Variants in GNAQ observed in about 807,000 individuals in gnomAD.
GNAQ encodes the protein G protein subunit alpha q.
In GNAQ, 8 loss-of-function variants were observed where a neutral mutation model predicts 43.9. The ratio of observed to expected loss-of-function variants is 0.18; its 90% CI spans 0.11 to 0.33. GNAQ has a LOEUF of 0.33. Among genes scored for constraint, GNAQ ranks in the 10% least tolerant of loss-of-function variants. GNAQ has a pLI of 1.00. For synonymous variants in GNAQ, 155 were observed against 170.7 expected, an observed-to-expected ratio of 0.91 and a Z score of 0.71; for missense variants, 158 against 450.8, an observed-to-expected ratio of 0.35 and a Z score of 5.88.
intron 2 of GNAQ, among the ~76,000 whole-genome samples, chr9:77,862,837 G>GAA (rs1420182975): frequency 6.6e-6 from 1 of 152,106 alleles, no homozygotes; most frequent in Non-Finnish European, 1.5e-5. Flanking sequence ...TTATAAAACT[G>GAA]AATGCCTTTA....
chr9:78,002,766 CA>C (rs1425844479), intron 1 of GNAQ, among the ~76,000 whole-genome samples: 1 of 152,140 alleles, frequency 6.6e-6, no homozygotes, highest in Non-Finnish European at 1.5e-5. Flanking sequence ...GGAAAAAAAT[CA>C]AAGACATCCA....
intron 5 of GNAQ, among the ~76,000 whole-genome samples, chr9:77,760,462 G>C (rs1401804650): frequency 2.0e-5 from 3 of 152,064 alleles, no homozygotes; most frequent in African/African-American, 4.8e-5. Flanking sequence ...GCCAGCCTCG[G>C]CCTCTGGAGG....
chr9:77,770,072 G>A (rs1449750325), intron 5 of GNAQ, among the ~76,000 whole-genome samples: 1 of 152,142 alleles, frequency 6.6e-6, no homozygotes, highest in African/African-American at 2.4e-5. Context: ...TGAATAATTA[G>A]TGAAATGATT....
intron 1 of GNAQ, among the ~76,000 whole-genome samples, chr9:78,027,021 C>T (rs1282126871): frequency 6.6e-6 from 1 of 152,050 alleles, no homozygotes; most frequent in African/African-American, 2.4e-5. Context: ...GTTAAACTAG[C>T]CTCTACACAA....
At chr9:77,829,240 C>T (rs973369591) in intron 2 of GNAQ, among the ~76,000 whole-genome samples, 3 of 152,190 alleles carry the variant, frequency 2.0e-5, no homozygotes, top group Admixed American at 6.5e-5. Flanking sequence ...TTTATTCTTA[C>T]ATGAAAGCTA....
intron 2 of GNAQ, among the ~76,000 whole-genome samples, chr9:77,850,913 G>T (rs1046842613): frequency 6.6e-6 from 1 of 151,950 alleles, no homozygotes; most frequent in Non-Finnish European, 1.5e-5. Context: ...CCCCACATCT[G>T]TCTCACACAG....
In GNAQ at chr9:77,728,949, G is replaced by C. The variant is rs561982149; in HGVS notation, c.736-282C>G. On this transcript the variant is annotated intron_variant, in intron 5 of 6. Transcript: ENST00000286548. Reference sequence around the variant, plus strand: ...AAGAGAAAATAATTGAAAGCCTAGAGAATCATGTTGTGAATCTGGAACACT... The same window carrying C: ...AAGAGAAAATAATTGAAAGCCTAGACAATCATGTTGTGAATCTGGAACACT... Among the ~76,000 whole-genome samples, 184 of 152,264 alleles carry C rather than the reference G, an allele frequency of 1.2e-3. 1 individual carries two copies. The highest frequency in any genetic ancestry group is 3.4e-3 in the Middle Eastern group (1 of 294).
At chr9:77,968,206 CA>C (rs1041393810) in intron 1 of GNAQ, among the ~76,000 whole-genome samples, 1 of 151,742 alleles carries the variant, frequency 6.6e-6, no homozygotes, top group Non-Finnish European at 1.5e-5. Flanking sequence ...AATTATATGT[CA>C]AATTTTTTTT....
intron 2 of GNAQ, among the ~76,000 whole-genome samples, chr9:77,870,911 C>T (rs1828029693): frequency 6.6e-6 from 1 of 151,880 alleles, no homozygotes; most frequent in East Asian, 1.9e-4. Context: ...AATTTGACAT[C>T]AGGCAAAATG....
chr9:78,006,665 A>T (rs1222145031), intron 1 of GNAQ, among the ~76,000 whole-genome samples: 1 of 152,196 alleles, frequency 6.6e-6, no homozygotes, highest in East Asian at 1.9e-4. Flanking sequence ...GCCTTTTGGA[A>T]ATTTACTGCA....
At chr9:77,871,536 G>A (rs994857101) in intron 2 of GNAQ, among the ~76,000 whole-genome samples, 4 of 152,034 alleles carry the variant, frequency 2.6e-5, no homozygotes, top group South Asian at 4.2e-4. Flanking sequence ...ATGAAATCTC[G>A]GAGAGATCCT....
intron 5 of GNAQ, among the ~76,000 whole-genome samples, chr9:77,763,412 G>A (rs138806048): frequency 4.9e-4 from 74 of 152,184 alleles, no homozygotes; most frequent in African/African-American, 1.6e-3. Context: ...GATCACTTGC[G>A]GCCAGGAATT....
chr9:77,983,536 T>C (rs1333711609), intron 1 of GNAQ, among the ~76,000 whole-genome samples: 1 of 152,192 alleles, frequency 6.6e-6, no homozygotes, highest in African/African-American at 2.4e-5. Flanking sequence ...TTATTCCTCA[T>C]AGTTGGTGTA....
intron 1 of GNAQ, among the ~76,000 whole-genome samples, chr9:78,016,885 T>A (rs186939999): frequency 6.6e-6 from 1 of 152,268 alleles, no homozygotes; most frequent in Admixed American, 6.5e-5. Context: ...AACAAAGACA[T>A]GTCTTTTTTT....
intron 5 of GNAQ, among the ~76,000 whole-genome samples, chr9:77,732,615 C>T (rs1825512925): frequency 1.3e-5 from 2 of 152,150 alleles, no homozygotes; most frequent in Admixed American, 1.3e-4. Context: ...ATCTGCCTGC[C>T]TTGGCCTCCC....
chr9:77,928,160 T>C (rs1829096670), intron 1 of GNAQ, among the ~76,000 whole-genome samples: 1 of 152,202 alleles, frequency 6.6e-6, no homozygotes, highest in Non-Finnish European at 1.5e-5. Context: ...CCAGGCTATA[T>C]CTACTTTAAA....
At position 77,936,314 on chromosome 9, in the gene GNAQ, C is replaced by T. The variant is rs1829231140; in HGVS notation, c.137-13969G>A. Among the ~76,000 whole-genome samples, 3 of 152,118 alleles carry T rather than the reference C, an allele frequency of 2.0e-5. No homozygotes were observed. In the South Asian group the frequency reaches 6.2e-4, roughly 32 times the overall value. ...TCTTGGATTAGTTCTTGGTTTAGGC[C>T]TCATGACCCAACAAATGCTGTCTGA... On this transcript the variant is annotated intron_variant, in intron 1 of 6. Transcript: ENST00000286548.
chr9:78,021,045 CTTTTTTT>C (rs545575616), intron 1 of GNAQ, among the ~76,000 whole-genome samples: 1 of 112,208 alleles, frequency 8.9e-6, no homozygotes, highest in Admixed American at 9.5e-5. Flanking sequence ...CAGGAAGCTG[CTTTTTTT>C]TTTTTTTTTT....
At chr9:77,738,606 C>T (rs189528479) in intron 5 of GNAQ, among the ~76,000 whole-genome samples, 4 of 152,048 alleles carry the variant, frequency 2.6e-5, no homozygotes, top group Non-Finnish European at 1.5e-5. Context: ...GCAGTATATC[C>T]AAAATAACTT....
Sources: allele counts gnomAD v4.1 joint callset (sites outside exome capture counted in the v4.1 genomes callset), GRCh38; gene constraint gnomAD v4.1.1; transcripts MANE v1.5; gene names NCBI Gene and HGNC (gene_info 2026-07-23, HGNC 2026-07-21).